The following TLN2 variants were observed in gnomAD, a reference collection of about 807,000 sequenced individuals.
The protein encoded by TLN2 is talin-2.
A neutral mutation model predicts 294.7 loss-of-function variants in TLN2; 118 were observed. That is an observed-to-expected ratio of 0.40 (90% CI 0.34 to 0.47). The LOEUF is 0.47. Among genes scored for constraint, TLN2 ranks in the 20% least tolerant of loss-of-function variants. The pLI, the probability that TLN2 is intolerant of heterozygous loss-of-function variation, is 0.84. For missense variants in TLN2, 3,083 were observed against 3,282.2 expected (o/e 0.94, Z 1.48); for synonymous variants, 1,431 against 1,304.5 (o/e 1.10, Z -2.09).
chr15:62,832,532 A>G (rs1377211540), intron 54 of TLN2: 2 of 152,254 alleles, frequency 1.3e-5, no homozygotes, highest in Non-Finnish European at 2.9e-5. Context: ...GCTTCTTTTC[A>G]ACTTCCTGAG....
chr15:62,605,533 C>G (rs749943225), intron 2 of TLN2, among the ~76,000 whole-genome samples: 7 of 152,130 alleles, frequency 4.6e-5, no homozygotes, highest in Non-Finnish European at 1.5e-5. Context: ...ACTCCCTATC[C>G]CCAGCACCAT....
intron 28 of TLN2, among the ~76,000 whole-genome samples, chr15:62,729,656 T>A (rs1222956897): frequency 6.6e-6 from 1 of 152,180 alleles, no homozygotes; most frequent in Non-Finnish European, 1.5e-5. Flanking sequence ...TCTGAGTTTG[T>A]CATTGTTCTT....
chr15:62,548,062 C>A (rs1321812918), intron 1 of TLN2, among the ~76,000 whole-genome samples: 2 of 152,156 alleles, frequency 1.3e-5, no homozygotes, highest in East Asian at 3.8e-4. Flanking sequence ...CGAGACTATG[C>A]TTGTGGAAAG....
chr15:62,433,464 A>G (rs370175877), intron 1 of TLN2, among the ~76,000 whole-genome samples: 11 of 152,244 alleles, frequency 7.2e-5, no homozygotes, highest in East Asian at 5.8e-4. Context: ...CCGCTGGGGC[A>G]TACCACCTCT....
intron 12 of TLN2, among the ~76,000 whole-genome samples, chr15:62,689,068 C>CTTTTTTTTTTTTTT (rs796645804): frequency 8.6e-6 from 1 of 116,638 alleles, no homozygotes; most frequent in Admixed American, 8.5e-5. Flanking sequence ...TTCTCTCTCT[C>CTTTTTTTTTTTTTT]TTTTTTTTTT....
rs1334913966 is a variant in TLN2 at position 62,491,375 on chromosome 15, C to T, written c.-237-98312C>T. Among the ~76,000 whole-genome samples the T allele has an allele frequency of 1.3e-3, 169 of 128,370 alleles. 2 individuals are homozygous for T. Among genetic ancestry groups the T allele is most frequent in the African/African-American group, 5.3e-3 (162 of 30,320 alleles). The allele number at this position is 128,370 out of a possible 152,430, so 84.2% of individuals were successfully genotyped here. On this transcript the variant is annotated intron_variant, in intron 1 of 58. Transcript: ENST00000636159. The stretch of plus-strand genomic sequence containing the variant: ...ATACACACACACACACACACACACA[C>T]ACACACACACACACACACACATTTA...
chr15:62,493,035 CT>C (rs1479683554), intron 1 of TLN2, among the ~76,000 whole-genome samples: 3 of 152,178 alleles, frequency 2.0e-5, no homozygotes, highest in Admixed American at 2.0e-4. Flanking sequence ...CTGGAACTCA[CT>C]AATTGCATTT....
chr15:62,599,603 G>A (rs2046822410), intron 2 of TLN2, among the ~76,000 whole-genome samples: 2 of 152,350 alleles, frequency 1.3e-5, no homozygotes, highest in South Asian at 4.1e-4. Flanking sequence ...AAACATCAGT[G>A]AAGTTTACAA....
At chr15:62,700,666 A>G (rs1305859689) in intron 16 of TLN2, among the ~76,000 whole-genome samples, 2 of 152,204 alleles carry the variant, frequency 1.3e-5, no homozygotes, top group Non-Finnish European at 2.9e-5. Flanking sequence ...CATTTCCTAC[A>G]TTGACAGAGA....
rs1157257678 is a variant in TLN2 at position 62,650,081 on chromosome 15, C to T, written c.137-3C>T. 2 of 1,613,862 alleles carry T rather than the reference C, an allele frequency of 1.2e-6. No homozygotes were observed. Among genetic ancestry groups the T allele is most frequent in the Admixed American group, 1.7e-5 (1 of 59,994 alleles). Reference sequence around the variant, plus strand: ...TCTGTTTTTCTTCCCATTTATATTTCAGCTTCTGACTATGGACTCTTTCTT... The same window carrying T: ...TCTGTTTTTCTTCCCATTTATATTTTAGCTTCTGACTATGGACTCTTTCTT... On this transcript the variant is annotated splice_region_variant and splice_polypyrimidine_tract_variant and intron_variant, in intron 4 of 58. Transcript: ENST00000636159.
At chr15:62,421,444 G>A (rs1251707326) in intron 1 of TLN2, among the ~76,000 whole-genome samples, 1 of 152,122 alleles carries the variant, frequency 6.6e-6, no homozygotes, top group Non-Finnish European at 1.5e-5. Context: ...ACAACTTGAG[G>A]TTGTATAAGG....
intron 43 of TLN2, among the ~76,000 whole-genome samples, chr15:62,778,619 G>C (rs1452478108): frequency 6.6e-6 from 1 of 152,218 alleles, no homozygotes; most frequent in Admixed American, 6.5e-5. Context: ...TGGACAGAGA[G>C]AGCAGGCCCT....
intron 1 of TLN2, among the ~76,000 whole-genome samples, chr15:62,463,354 TTGACA>T (rs2036922575): frequency 6.6e-6 from 1 of 152,214 alleles, no homozygotes; most frequent in Non-Finnish European, 1.5e-5. Context: ...TTGTTGTTAA[TTGACA>T]GGTCTTTAAT....
intron 1 of TLN2, among the ~76,000 whole-genome samples, chr15:62,506,192 C>A (rs764706260): frequency 1.1e-4 from 16 of 152,070 alleles, no homozygotes; most frequent in Non-Finnish European, 2.2e-4. Flanking sequence ...GAAGAAGGGA[C>A]CTCTCTGTCC....
At chr15:62,715,475 C>T (rs986468514) in intron 22 of TLN2, among the ~76,000 whole-genome samples, 20 of 152,182 alleles carry the variant, frequency 1.3e-4, no homozygotes, top group African/African-American at 4.8e-4. Context: ...GCTGGATGTG[C>T]TGTGAGCATG....
At chr15:62,650,215 C>G in intron 5 of TLN2, 34 bp downstream of exon 5, 2 of 1,607,372 alleles carry the variant, frequency 1.2e-6, no homozygotes, top group Non-Finnish European at 1.7e-6. Context: ...TTTCTTCATC[C>G]CTTTGTCCCT....
chr15:62,711,353 A>G (rs2059419882), intron 21 of TLN2, among the ~76,000 whole-genome samples: 1 of 152,262 alleles, frequency 6.6e-6, no homozygotes, highest in Non-Finnish European at 1.5e-5. Flanking sequence ...GAAAATTGGC[A>G]GAGAAAACTC....
intron 1 of TLN2, among the ~76,000 whole-genome samples, chr15:62,519,871 C>T (rs1478561915): frequency 6.6e-6 from 1 of 152,188 alleles, no homozygotes; most frequent in Non-Finnish European, 1.5e-5. Context: ...ACTCCGTTTT[C>T]ATGCTGCTGA....
At position 62,657,918 on chromosome 15, in the gene TLN2, T is replaced by TC. The variant is rs762448311; in HGVS notation, c.788+21dup. ...TTTAGAGTAAATGACATTTTGTTTC[T>TC]CTTTTTTCTCTTTTCTCCTGTCTTC... On this transcript the variant is annotated intron_variant, in intron 9 of 58. Coordinates refer to ENST00000636159, the MANE Select transcript of TLN2 (RefSeq NM_015059.3). 1.2e-5 allele frequency: 19 copies of TC among 1,605,342 alleles called. No homozygotes were observed. The highest frequency in any genetic ancestry group is 1.4e-5 in the Non-Finnish European group (17 of 1,175,776).
Sources: allele counts gnomAD v4.1 joint callset (sites outside exome capture counted in the v4.1 genomes callset), GRCh38; gene constraint gnomAD v4.1.1; transcripts MANE v1.5; gene names NCBI Gene and HGNC (gene_info 2026-07-23, HGNC 2026-07-21).